Variants in PIK3R5 observed in about 807,000 individuals in gnomAD.
PIK3R5 encodes phosphoinositide-3-kinase regulatory subunit 5, also known as phosphoinositide 3-kinase regulatory subunit 5.
Under a neutral mutation model 94.9 loss-of-function variants are expected in PIK3R5, and 32 were observed. That is an observed-to-expected ratio of 0.34 (90% CI 0.25 to 0.45). The LOEUF (loss-of-function observed/expected upper bound fraction) is 0.45, where lower values mean the gene tolerates loss of function less well. Among genes scored for constraint, PIK3R5 ranks in the 20% least tolerant of loss-of-function variants. PIK3R5 has a pLI of 1.00. For missense variants in PIK3R5, 853 were observed against 1,144.6 expected (o/e 0.75, Z 3.68); for synonymous variants, 443 against 479.4 (o/e 0.92, Z 0.99).
rs745401723 is a variant in PIK3R5, at chr17:8,889,269, G to A, written c.812-47C>T. 7.5e-6 allele frequency: 11 copies of A among 1,458,868 alleles called. No individual in the cohort carries two copies. Among genetic ancestry groups the A allele is most frequent in the Non-Finnish European group, 1.0e-5 (11 of 1,049,450 alleles). The allele number at this position is 1,458,868 out of a possible 1,614,324, so 90.4% of individuals were successfully genotyped here. A position where few individuals can be genotyped will look rare whatever the true frequency, so the allele number is the denominator to read the frequency against. On this transcript the variant is annotated intron_variant, in intron 8 of 18. Coordinates refer to ENST00000447110, the MANE Select transcript of PIK3R5 (RefSeq NM_001142633.3). This position sits in a 1 kb window ranked among gnomAD's most constrained non-coding sequence, Gnocchi z 4.1. ...GAGAAGAGGGCTGGGAAGAGGCCTT[G>A]GAGATTGGCCAGTCCAGTCCCCTTG...
intron 1 of PIK3R5, among the ~76,000 whole-genome samples, chr17:8,948,256 T>C (rs1439101552): frequency 6.6e-6 from 1 of 151,980 alleles, no homozygotes. Flanking sequence ...AGCTAAAGCT[T>C]TACCATGATA....
chr17:8,902,564 T>C (rs1240215113), intron 5 of PIK3R5, among the ~76,000 whole-genome samples: 2 of 152,098 alleles, frequency 1.3e-5, no homozygotes, highest in Non-Finnish European at 2.9e-5. Flanking sequence ...ATATATTAAT[T>C]TTTATTGCAA....
rs2090470751 is a variant in PIK3R5 at position 8,909,281 on chromosome 17, T to C, written c.104-107A>G. ...TATGCTGGAACATTTTTCTGTGGTA[T>C]TGCACTGGAACACTCTTTTTTTTTT... On this transcript the variant is annotated intron_variant, in intron 2 of 18. Coordinates refer to ENST00000447110, the MANE Select transcript of PIK3R5 (RefSeq NM_001142633.3). This position sits in a 1 kb window ranked among gnomAD's most constrained non-coding sequence, Gnocchi z 4.3. 1 of 681,386 alleles carries C rather than the reference T, an allele frequency of 1.5e-6. No homozygotes were observed. Among genetic ancestry groups the C allele is most frequent in the South Asian group, 1.7e-5 (1 of 59,416 alleles). The allele number at this position is 681,386 out of a possible 1,614,324, so 42.2% of individuals were successfully genotyped here. A position where few individuals can be genotyped will look rare whatever the true frequency, so the allele number is the denominator to read the frequency against.
At chr17:8,915,912 C>G (rs1399671793) in intron 1 of PIK3R5, 4 of 153,134 alleles carry the variant, frequency 2.6e-5, no homozygotes, top group African/African-American at 9.6e-5. Context: ...CTTTCTCATT[C>G]TGGGGCCGCC....
At chr17:8,919,873 T>C (rs1475629135) in intron 1 of PIK3R5, among the ~76,000 whole-genome samples, 2 of 150,192 alleles carry the variant, frequency 1.3e-5, no homozygotes, top group African/African-American at 2.5e-5. Flanking sequence ...TCTTTCTCTT[T>C]TTTTCTTTTT....
At chr17:8,921,700 G>C (rs747021392) in intron 1 of PIK3R5, among the ~76,000 whole-genome samples, 1 of 152,086 alleles carries the variant, frequency 6.6e-6, no homozygotes, top group Non-Finnish European at 1.5e-5. Context: ...GAAAATGTTT[G>C]AGGGACACGA....
At chr17:8,898,342 C>A (rs1428077410) in intron 5 of PIK3R5, among the ~76,000 whole-genome samples, 1 of 152,180 alleles carries the variant, frequency 6.6e-6, no homozygotes, top group Non-Finnish European at 1.5e-5. Context: ...TATTAAGCAA[C>A]CCAAAGGGAA....
intron 1 of PIK3R5, among the ~76,000 whole-genome samples, chr17:8,932,397 G>T (rs1185816569): frequency 6.6e-6 from 1 of 152,104 alleles, no homozygotes; most frequent in Non-Finnish European, 1.5e-5. Flanking sequence ...ACCATGCCCA[G>T]CTGATTTTTG....
In PIK3R5 at chr17:8,904,795, C is replaced by T. The variant is rs560695573; in HGVS notation, c.394G>A (p.Ala132Thr). 95 of 1,614,156 alleles carry T rather than the reference C, an allele frequency of 5.9e-5. No homozygotes were observed. The East Asian group carries it at 1.9e-3, about 32-fold the overall frequency. Residue 132 changes from alanine (A) to threonine (T), a missense_variant, in exon 5 of 19, where the codon GCT becomes ACT. Transcript: ENST00000447110. The surrounding 1 kb of genome is among the most constrained non-coding windows in gnomAD (Gnocchi z 5.1). The stretch of plus-strand genomic sequence containing the variant: ...TGCTTACCTGGGGCCTTGAGTTCAG[C>T]ATCAATGAAGGTGAGCAGCTCCTGG... ...ICQELLTFIDAELKAPGISYQ... is the reference protein window; with the variant it reads ...ICQELLTFIDTELKAPGISYQ...
intron 4 of PIK3R5, among the ~76,000 whole-genome samples, chr17:8,905,179 C>A (rs17740182): frequency 9.2e-6 from 1 of 108,590 alleles, no homozygotes; most frequent in South Asian, 3.1e-4. Context: ...AAGGCTGTCC[C>A]CTTACTGGTA....
intron 2 of PIK3R5, among the ~76,000 whole-genome samples, chr17:8,910,398 A>C (rs1275851477): frequency 6.6e-6 from 1 of 152,242 alleles, no homozygotes; most frequent in Non-Finnish European, 1.5e-5. Context: ...AAACCTGGGT[A>C]GCAGGCAAGA....
chr17:8,895,761 T>A (rs143272724), intron 5 of PIK3R5, among the ~76,000 whole-genome samples: 44 of 152,322 alleles, frequency 2.9e-4, no homozygotes, highest in African/African-American at 1.0e-3. Flanking sequence ...TTGCTCTATG[T>A]GTCCCGTTGC....
chr17:8,961,864 C>T lies in PIK3R5; in HGVS notation c.-14+3732G>A, dbSNP rs190152077. Among the ~76,000 whole-genome samples the T allele has an allele frequency of 1.3e-3, 195 of 152,284 alleles. 1 individual carries two copies. Among genetic ancestry groups the T allele is most frequent in the Admixed American group, 2.6e-3 (40 of 15,290 alleles). On this transcript the variant is annotated intron_variant, in intron 1 of 18. Coordinates refer to ENST00000447110, the MANE Select transcript of PIK3R5 (RefSeq NM_001142633.3). ...TCATCCATTTCTTCCCATTCATCAG[C>T]CCCCAACCCCCTTTTGGGTGTAACT...
rs2089949202 is a variant in PIK3R5 at position 8,888,749 on chromosome 17, C to T, written c.1038G>A (p.Leu346=). 1 of 1,613,606 alleles carries T rather than the reference C, an allele frequency of 6.2e-7. No homozygotes were observed. The highest frequency in any genetic ancestry group is 1.3e-5 in the African/African-American group (1 of 75,068). Residue 346 remains leucine (L), a synonymous_variant, in exon 10 of 19, where the codon CTG becomes CTA. Coordinates refer to ENST00000447110, the MANE Select transcript of PIK3R5 (RefSeq NM_001142633.3). The surrounding 1 kb of genome is among the most constrained non-coding windows in gnomAD (Gnocchi z 7.8). ...TDGHCAERDS[L]LSTSSLASHD... is the part of the protein sequence containing the mutation. ...GGGACGCCAAAGAGCTGGTGGAGAG[C>T]AGGGAATCTCTCTCGGCACAGTGCC...
At chr17:8,897,024 T>TC (rs938446334) in intron 5 of PIK3R5, among the ~76,000 whole-genome samples, 29 of 152,280 alleles carry the variant, frequency 1.9e-4, no homozygotes, top group African/African-American at 5.5e-4. Flanking sequence ...GGCACACCAC[T>TC]CCCCACAGCA....
At chr17:8,957,697 G>A (rs777683504) in intron 1 of PIK3R5, among the ~76,000 whole-genome samples, 12 of 152,154 alleles carry the variant, frequency 7.9e-5, no homozygotes, top group Admixed American at 3.3e-4. Context: ...GCTGAACATT[G>A]GAAGCCAAGA....
intron 1 of PIK3R5, among the ~76,000 whole-genome samples, chr17:8,956,559 G>A (rs1415957942): frequency 6.6e-6 from 1 of 152,234 alleles, no homozygotes; most frequent in Admixed American, 6.5e-5. Flanking sequence ...GCCAGGACTA[G>A]AGATTACATC....
chr17:8,889,047 TG>T lies in PIK3R5; in HGVS notation c.895+91del. The T allele has an allele frequency of 6.6e-7, 1 of 1,520,048 alleles. No homozygotes were observed. The allele number at this position is 1,520,048 out of a possible 1,614,324, so 94.2% of individuals were successfully genotyped here. ...AGAGCCTGCTCATGTGGGAGAGCTT[TG>T]GGGACGGGGTGGGAGCTGCATGGAC... On this transcript the variant is annotated intron_variant, in intron 9 of 18. Transcript: ENST00000447110. The surrounding 1 kb of genome is among the most constrained non-coding windows in gnomAD (Gnocchi z 4.1).
In PIK3R5 at chr17:8,935,459, G is replaced by T. The variant is rs1369656776; in HGVS notation, c.-13-23952C>A. On this transcript the variant is annotated intron_variant, in intron 1 of 18. Transcript: ENST00000447110. The surrounding 1 kb of genome is among the most constrained non-coding windows in gnomAD (Gnocchi z 4.5). ...GTCGTTTTTGGCCACCCACAGTGTG[G>T]GCAGGTTGCCTGGGAGACCTGCTTC... Among the ~76,000 whole-genome samples the T allele has an allele frequency of 6.6e-6, 1 of 152,142 alleles. No homozygotes were observed. Among genetic ancestry groups the T allele is most frequent in the African/African-American group, 2.4e-5 (1 of 41,420 alleles).
Sources: allele counts gnomAD v4.1 joint callset (sites outside exome capture counted in the v4.1 genomes callset), GRCh38; gene constraint gnomAD v4.1.1; non-coding constraint Gnocchi (gnomAD v3.1); transcripts MANE v1.5; gene names NCBI Gene and HGNC (gene_info 2026-07-23, HGNC 2026-07-21).